Variants in PSMC6 observed in about 807,000 individuals in gnomAD.
The protein encoded by PSMC6 is 26S proteasome regulatory subunit 10B.
A neutral mutation model predicts 55.9 loss-of-function variants in PSMC6; 3 were observed. The ratio of observed to expected loss-of-function variants is 0.05; its 90% CI spans 0.02 to 0.14. The LOEUF is 0.14. PSMC6 is among the 10% of genes least tolerant of loss of function. The pLI is 1.00. For synonymous variants in PSMC6, 137 were observed against 155.9 expected, an observed-to-expected ratio of 0.88 and a Z score of 0.90; for missense variants, 210 against 478.7, an observed-to-expected ratio of 0.44 and a Z score of 5.24.
chr14:52,708,226 C>T (rs897464286), intron 1 of PSMC6, 83 bp from the exon 2 acceptor site: 5 of 1,182,686 alleles, frequency 4.2e-6, no homozygotes, highest in Admixed American at 3.8e-5. Context: ...AGTAGACTTA[C>T]GTAAACAGTA....
chr14:52,708,549 A>G (rs1297776422), intron 3 of PSMC6, 27 bp downstream of exon 3: 3 of 1,603,238 alleles, frequency 1.9e-6, no homozygotes, highest in Non-Finnish European at 2.6e-6. Context: ...CTTATTAATT[A>G]GTAAAGAAAC....
intron 1 of PSMC6, 141 bp downstream of exon 1, chr14:52,707,445 C>T (rs2139832367): frequency 3.5e-6 from 4 of 1,142,894 alleles, no homozygotes; most frequent in Non-Finnish European, 3.7e-6. Flanking sequence ...CTTTGTCATC[C>T]GGCCCTGAGC....
intron 10 of PSMC6, among the ~76,000 whole-genome samples, chr14:52,720,048 C>T (rs2041871687): frequency 2.6e-5 from 4 of 151,904 alleles, no homozygotes; most frequent in Non-Finnish European, 5.9e-5. Context: ...CGTAGCGAAA[C>T]ACCATCTCTA....
chr14:52,719,446 G>A (rs892958069), intron 10 of PSMC6, among the ~76,000 whole-genome samples: 12 of 152,190 alleles, frequency 7.9e-5, no homozygotes, highest in African/African-American at 2.9e-4. Context: ...TGCTGAGACT[G>A]AGGCAACTAA....
chr14:52,718,601 C>T, intron 9 of PSMC6: 1 of 424,264 alleles, frequency 2.4e-6, no homozygotes, highest in South Asian at 2.5e-5. Flanking sequence ...ATCTGGCCAA[C>T]ATGGTGAAAC....
chr14:52,724,900 GC>G (rs1212404008), intron 13 of PSMC6, among the ~76,000 whole-genome samples: 2 of 152,118 alleles, frequency 1.3e-5, no homozygotes, highest in Non-Finnish European at 2.9e-5. Context: ...ATCATGTTTA[GC>G]CTTAGTAAAT....
rs1444244777 is a variant in PSMC6 at position 52,727,268 on chromosome 14, A to G, written c.1052-231A>G. 8.6e-5 allele frequency among the ~76,000 whole-genome samples: 13 copies of G among 151,230 alleles called. No individual in the cohort carries two copies. The South Asian group carries it at 1.0e-3, about 12-fold the overall frequency. On this transcript the variant is annotated intron_variant, in intron 13 of 13. Coordinates refer to ENST00000445930, the MANE Select transcript of PSMC6 (RefSeq NM_002806.5). ...ATGGTCTTAATCTCTTGACATTGCA[A>G]TCTGCCCATCTTGGCCTCCCAAAGT... is the stretch of plus-strand genomic sequence containing the variant.
At chr14:52,711,011 TGA>T in intron 4 of PSMC6, 88 bp from the exon 5 acceptor site, 4 of 1,313,000 alleles carry the variant, frequency 3.0e-6, no homozygotes, top group South Asian at 1.2e-5. Context: ...AGGGTAAAAA[TGA>T]GTGTTTGGCT....
At chr14:52,712,880 G>A (rs1485221641) in intron 6 of PSMC6, among the ~76,000 whole-genome samples, 4 of 152,106 alleles carry the variant, frequency 2.6e-5, no homozygotes, top group African/African-American at 9.7e-5. Flanking sequence ...GCCTCCCAAA[G>A]TGTTGGGATT....
Position 52,721,092 on chromosome 14 carries a change from A to G in PSMC6, c.899-18A>G. The G allele has an allele frequency of 6.3e-7, 1 of 1,582,702 alleles. No individual in the cohort carries two copies. ...AAAAAAGATAAAACTGGACTATAAAATAATTTTTTATTTTCAGATATTGAT... is the reference window on the plus strand; with the variant it reads ...AAAAAAGATAAAACTGGACTATAAAGTAATTTTTTATTTTCAGATATTGAT... On this transcript the variant is annotated intron_variant, in intron 11 of 13. Transcript: ENST00000445930.
chr14:52,725,375 A>G (rs557946691), intron 13 of PSMC6, among the ~76,000 whole-genome samples: 1 of 152,214 alleles, frequency 6.6e-6, no homozygotes, highest in Non-Finnish European at 1.5e-5. Context: ...TAGGTGGGAC[A>G]TTCACATCTG....
intron 10 of PSMC6, 62 bp downstream of exon 10, chr14:52,719,100 T>A (rs1228389444): frequency 5.3e-6 from 7 of 1,316,576 alleles, no homozygotes; most frequent in Admixed American, 1.9e-5. Context: ...GAACTGAACA[T>A]TGCATATTTG....
Position 52,723,948 on chromosome 14 carries a change from G to A in PSMC6, c.980-17G>A, listed in dbSNP as rs1283558631. The A allele has an allele frequency of 6.8e-6, 11 of 1,610,028 alleles. No individual in the cohort carries two copies. Among genetic ancestry groups the A allele is most frequent in the Admixed American group, 1.7e-5 (1 of 59,270 alleles). On this transcript the variant is annotated splice_polypyrimidine_tract_variant and intron_variant, in intron 12 of 13. Transcript: ENST00000445930. ...GTCTAATTTTTAAAACTAATTTCCA[G>A]TATTTTTTCTAAACAGATTATGAAG...
At chr14:52,716,880 CCAGACA>C (rs2041835499) in intron 7 of PSMC6, among the ~76,000 whole-genome samples, 1 of 152,056 alleles carries the variant, frequency 6.6e-6, no homozygotes. Flanking sequence ...GTGAAATAAG[CCAGACA>C]CAGAAAGACA....
chr14:52,707,417 A>AGGGCCAG, intron 1 of PSMC6, 113 bp downstream of exon 1: 1 of 1,416,768 alleles, frequency 7.1e-7, no homozygotes, highest in Non-Finnish European at 9.6e-7. Flanking sequence ...GACCAGGCCT[A>AGGGCCAG]GGGCCAGGGA....
chr14:52,710,157 G>C (rs994432253), intron 4 of PSMC6: 1 of 152,990 alleles, frequency 6.5e-6, no homozygotes, highest in African/African-American at 2.4e-5. Context: ...GTCGGGCGGG[G>C]TGGCTCATGC....
chr14:52,713,921 G>A lies in PSMC6; in HGVS notation c.482G>A (p.Arg161His), dbSNP rs1400222509. 2 of 1,600,120 alleles carry A rather than the reference G, an allele frequency of 1.2e-6. No homozygotes were observed. The highest frequency in any genetic ancestry group is 1.1e-5 in the South Asian group (1 of 89,828). ...LPLTNPELFQ[R>H]VGIIPPKGCL... Reference sequence around the variant, plus strand: ...CTTACAAACCCAGAGTTATTTCAGCGTGTAGGAATAATACCTCCAAAAGGC... The same window carrying A: ...CTTACAAACCCAGAGTTATTTCAGCATGTAGGAATAATACCTCCAAAAGGC... The change falls in exon 7 of 14, where the codon CGT (arginine) becomes CAT (histidine). Residue 161 changes from arginine to histidine, a missense_variant. Coordinates refer to ENST00000445930, the MANE Select transcript of PSMC6 (RefSeq NM_002806.5).
At chr14:52,718,444 A>T in intron 9 of PSMC6, 92 bp downstream of exon 9, 3 of 1,307,620 alleles carry the variant, frequency 2.3e-6, no homozygotes, top group Non-Finnish European at 3.2e-6. Flanking sequence ...TGTGACTTGT[A>T]TGAAGTAGAT....
intron 7 of PSMC6, among the ~76,000 whole-genome samples, chr14:52,715,226 GTTC>G (rs1319896468): frequency 2.0e-5 from 3 of 152,036 alleles, no homozygotes; most frequent in African/African-American, 7.2e-5. Flanking sequence ...AATATTTTGT[GTTC>G]TTCATGATAA....
Sources: gnomAD v4.1 joint callset for allele counts (sites outside exome capture counted in the v4.1 genomes callset) on GRCh38, gnomAD v4.1.1 for gene constraint, MANE v1.5 for transcripts, NCBI Gene and HGNC (gene_info 2026-07-23, HGNC 2026-07-21) for gene names.